The following RGS5 variants were observed in gnomAD, a reference collection of about 807,000 sequenced individuals.
RGS5 encodes the protein regulator of G protein signaling 5.
A neutral mutation model predicts 18.9 loss-of-function variants in RGS5; 20 were observed. The ratio of observed to expected loss-of-function variants is 1.06; its 90% CI spans 0.74 to 1.54. RGS5 has a LOEUF of 1.54. RGS5 is among the 40% of genes most tolerant of loss of function. The probability of loss-of-function intolerance (pLI) is 0.00; values close to 1 mark genes in which losing one functional copy is unlikely to be tolerated. For missense variants in RGS5, 201 were observed against 211.8 expected (o/e 0.95, Z 0.32); for synonymous variants, 57 against 76.2 (o/e 0.75, Z 1.31).
At position 163,202,855 on chromosome 1, in the gene RGS5, C is replaced by T. The variant is rs780190218; in HGVS notation, c.-20G>A. 1.1e-5 allele frequency: 18 copies of T among 1,612,632 alleles called. No homozygotes were observed. The highest frequency in any genetic ancestry group is 1.4e-5 in the Non-Finnish European group (17 of 1,179,132). Reference sequence around the variant, plus strand: ...GCACATTTTGGCAGGTGGCTTAGCTCCTCCGCTTTAAGTACAACTTCTTAA... The same window carrying T: ...GCACATTTTGGCAGGTGGCTTAGCTTCTCCGCTTTAAGTACAACTTCTTAA... On this transcript the variant is annotated 5_prime_UTR_variant, in exon 1 of 5. Coordinates refer to ENST00000313961, the MANE Select transcript of RGS5 (RefSeq NM_003617.4).
At chr1:163,308,866 A>G (rs568117011) in intron 1 of RGS5, among the ~76,000 whole-genome samples, 1 of 152,354 alleles carries the variant, frequency 6.6e-6, no homozygotes, top group South Asian at 2.1e-4. Context: ...CTCAGTGCAT[A>G]TAAAGAGTTA....
At chr1:163,158,507 G>A (rs532998205) in intron 3 of RGS5, among the ~76,000 whole-genome samples, 8 of 152,298 alleles carry the variant, frequency 5.3e-5, no homozygotes, top group African/African-American at 1.9e-4. Flanking sequence ...GTACAAAAGA[G>A]AGAAATCTTA....
intron 1 of RGS5, among the ~76,000 whole-genome samples, chr1:163,199,519 CATT>C (rs897456404): frequency 1.3e-5 from 2 of 151,998 alleles, no homozygotes; most frequent in Non-Finnish European, 2.9e-5. Flanking sequence ...TATCCTTACC[CATT>C]ATATATATTC....
At chr1:163,209,504 A>G (rs138648861) in intron 1 of RGS5, among the ~76,000 whole-genome samples, 4 of 152,292 alleles carry the variant, frequency 2.6e-5, no homozygotes, top group South Asian at 2.1e-4. Flanking sequence ...ATCCTATCCC[A>G]AGACAGGAAT....
intron 2 of RGS5, among the ~76,000 whole-genome samples, chr1:163,259,221 GGCTCACTGCAA>G: frequency 6.6e-6 from 1 of 151,726 alleles, no homozygotes; most frequent in Middle Eastern, 3.4e-3. Context: ...GCGTGATCTC[GGCTCACTGCAA>G]GCTCCAACTT....
chr1:163,218,992 G>C (rs1170857084), upstream of RGS5, among the ~76,000 whole-genome samples: 5 of 152,154 alleles, frequency 3.3e-5, no homozygotes, highest in Non-Finnish European at 5.9e-5. Flanking sequence ...AAAGCTTGTT[G>C]CTGGGAGACT....
chr1:163,226,506 A>T (rs1025288379), intron 2 of RGS5, among the ~76,000 whole-genome samples: 2 of 152,118 alleles, frequency 1.3e-5, no homozygotes, highest in Non-Finnish European at 2.9e-5. Flanking sequence ...TGGTCTCCAA[A>T]AGAGGGCACG....
At chr1:163,180,916 G>A (rs953287969) in intron 1 of RGS5, among the ~76,000 whole-genome samples, 2 of 151,728 alleles carry the variant, frequency 1.3e-5, no homozygotes, top group African/African-American at 2.4e-5. Flanking sequence ...GGATGGTCTC[G>A]ATATCCCGAC....
At chr1:163,294,744 C>T (rs1027998582) in intron 2 of RGS5, among the ~76,000 whole-genome samples, 10 of 152,174 alleles carry the variant, frequency 6.6e-5, no homozygotes, top group African/African-American at 2.2e-4. Context: ...CTCTCTCTTT[C>T]CTTTTTAAAC....
chr1:163,160,924 G>A (rs983609854), intron 3 of RGS5, among the ~76,000 whole-genome samples: 1 of 152,140 alleles, frequency 6.6e-6, no homozygotes, highest in Admixed American at 6.6e-5. Context: ...ACATGAAAAA[G>A]ACTAATTCTT....
At chr1:163,202,287 TG>T (rs1659801556) in intron 1 of RGS5, among the ~76,000 whole-genome samples, 1 of 152,198 alleles carries the variant, frequency 6.6e-6, no homozygotes, top group Non-Finnish European at 1.5e-5. Flanking sequence ...GTGCCAGACA[TG>T]GTTCTGAGTG....
chr1:163,256,698 C>A (rs908106833), intron 2 of RGS5, among the ~76,000 whole-genome samples: 2 of 152,114 alleles, frequency 1.3e-5, no homozygotes, highest in East Asian at 1.9e-4. Context: ...AAGGAATAAT[C>A]TATAGATACA....
chr1:163,202,305 A>G (rs1216434189), intron 1 of RGS5, among the ~76,000 whole-genome samples: 2 of 152,162 alleles, frequency 1.3e-5, no homozygotes, highest in Non-Finnish European at 2.9e-5. Context: ...AGTGCTTCAT[A>G]TATATTAATT....
intron 2 of RGS5, among the ~76,000 whole-genome samples, chr1:163,299,469 G>A (rs968282458): frequency 4.6e-5 from 7 of 152,166 alleles, no homozygotes; most frequent in Admixed American, 1.3e-4. Context: ...TTCTGCCACC[G>A]TAAGCTAAAT....
intron 1 of RGS5, among the ~76,000 whole-genome samples, chr1:163,208,264 C>T (rs1379914601): frequency 6.6e-5 from 2 of 30,306 alleles, no homozygotes; most frequent in Non-Finnish European, 1.0e-4. Flanking sequence ...AGGAGAATGG[C>T]GTGAACCCGG....
chr1:163,213,779 G>GC (rs1019402926), intron 1 of RGS5, among the ~76,000 whole-genome samples: 1 of 152,046 alleles, frequency 6.6e-6, no homozygotes, highest in Admixed American at 6.5e-5. Flanking sequence ...TCAGGGGAAA[G>GC]CCCCCCTGAA....
chr1:163,258,704 G>C (rs1460905002), intron 2 of RGS5, among the ~76,000 whole-genome samples: 1 of 151,820 alleles, frequency 6.6e-6, no homozygotes, highest in Non-Finnish European at 1.5e-5. Flanking sequence ...GTGTCTCTCT[G>C]TTGCCTAGGG....
chr1:163,255,275 C>A (rs1648239841), intron 2 of RGS5, among the ~76,000 whole-genome samples: 1 of 152,122 alleles, frequency 6.6e-6, no homozygotes, highest in African/African-American at 2.4e-5. Flanking sequence ...TCTTTCTACC[C>A]ATGAGCATGG....
chr1:163,179,791 A>G (rs1658726876), intron 1 of RGS5, among the ~76,000 whole-genome samples: 1 of 152,184 alleles, frequency 6.6e-6, no homozygotes, highest in South Asian at 2.1e-4. Context: ...CATTCAATAT[A>G]TTTACTATAT....
Sources: allele counts gnomAD v4.1 joint callset (sites outside exome capture counted in the v4.1 genomes callset), GRCh38; gene constraint gnomAD v4.1.1; transcripts MANE v1.5; gene names NCBI Gene and HGNC (gene_info 2026-07-23, HGNC 2026-07-21).